PRKD1: variants seen among roughly 807,000 people sequenced by gnomAD.
The protein encoded by PRKD1 is protein kinase D1.
In PRKD1, 63 loss-of-function variants were observed where a neutral mutation model predicts 95.9. The observed-to-expected ratio is 0.66, with a 90% CI of 0.54 to 0.81. PRKD1 has a LOEUF of 0.81. Among genes scored for constraint, PRKD1 ranks in the 30% least tolerant of loss-of-function variants. PRKD1 has a pLI of 0.00. For missense variants in PRKD1, 1,048 were observed against 1,165.3 expected (o/e 0.90, Z 1.47); for synonymous variants, 425 against 423.1 (o/e 1.00, Z -0.05).
chr14:29,612,520 T>C (rs1479466855), intron 13 of PRKD1, among the ~76,000 whole-genome samples: 1 of 152,184 alleles, frequency 6.6e-6, no homozygotes, highest in East Asian at 1.9e-4. Context: ...TGATTTCTAA[T>C]GCACAGTTAA....
Position 29,638,851 on chromosome 14 carries a change from T to C in PRKD1, c.750A>G (p.Gln250=), listed in dbSNP as rs1326301211. The C allele has an allele frequency of 2.9e-5, 47 of 1,614,162 alleles. 1 individual carries two copies. The East Asian group carries it at 9.6e-4, about 33-fold the overall frequency. The change falls in exon 5 of 18, where the codon CAA becomes CAG. Residue 250 remains glutamine (Q), a synonymous_variant. Transcript: ENST00000331968. ...FIGREKRSNS[Q]SYIGRPIHLD... is the part of the protein sequence containing the mutation. Reference sequence around the variant, plus strand: ...GGTGAATTGGTCGTCCAATGTATGATTGAGAATTTGACCTCTTCTCTCGAC... The same window carrying C: ...GGTGAATTGGTCGTCCAATGTATGACTGAGAATTTGACCTCTTCTCTCGAC...
intron 12 of PRKD1, among the ~76,000 whole-genome samples, chr14:29,625,316 T>C (rs554725045): frequency 6.6e-6 from 1 of 152,328 alleles, no homozygotes; most frequent in East Asian, 1.9e-4. Flanking sequence ...TCCGTCACTG[T>C]AGTACTTGAC....
At chr14:29,661,588 T>C (rs1045510880) in intron 4 of PRKD1, among the ~76,000 whole-genome samples, 20 of 152,274 alleles carry the variant, frequency 1.3e-4, no homozygotes, top group Middle Eastern at 3.4e-3. Context: ...TGGGCCAATG[T>C]TTCCTACTTT....
intron 13 of PRKD1, among the ~76,000 whole-genome samples, chr14:29,615,298 C>G (rs1269834114): frequency 4.6e-5 from 7 of 152,044 alleles, no homozygotes; most frequent in Non-Finnish European, 8.8e-5. Flanking sequence ...ATTTTCCATC[C>G]ACTAGAAAAA....
At chr14:29,599,509 A>G in intron 14 of PRKD1, 147 bp downstream of exon 14, 1 of 718,062 alleles carries the variant, frequency 1.4e-6, no homozygotes, top group South Asian at 2.1e-5. Context: ...TATAAATCAC[A>G]TAATACAATA....
chr14:29,719,377 T>A (rs146317429), intron 2 of PRKD1, among the ~76,000 whole-genome samples: 258 of 152,330 alleles, frequency 1.7e-3, no homozygotes, highest in Admixed American at 4.2e-3. Flanking sequence ...TAATGGTCTA[T>A]GACAAACATC....
At chr14:29,766,910 A>G (rs571467027) in intron 1 of PRKD1, among the ~76,000 whole-genome samples, 14 of 152,246 alleles carry the variant, frequency 9.2e-5, no homozygotes, top group African/African-American at 3.1e-4. Context: ...GAAATTTACT[A>G]ATCACTTCCT....
At chr14:29,856,796 A>G (rs1444510269) in intron 1 of PRKD1, among the ~76,000 whole-genome samples, 1 of 152,168 alleles carries the variant, frequency 6.6e-6, no homozygotes, top group Non-Finnish European at 1.5e-5. Flanking sequence ...AACATGAGTA[A>G]AATCACTCCA....
At chr14:29,875,596 A>G (rs1893258642) in intron 1 of PRKD1, among the ~76,000 whole-genome samples, 1 of 152,216 alleles carries the variant, frequency 6.6e-6, no homozygotes, top group African/African-American at 2.4e-5. Context: ...ATTTCCAATA[A>G]ATGACATGTT....
intron 1 of PRKD1, among the ~76,000 whole-genome samples, chr14:29,852,562 G>A: frequency 6.6e-6 from 1 of 150,686 alleles, no homozygotes; most frequent in Non-Finnish European, 1.5e-5. Context: ...GAGAAAGAGA[G>A]GCATAAAGAG....
intron 1 of PRKD1, among the ~76,000 whole-genome samples, chr14:29,830,383 A>T (rs1047993192): frequency 6.6e-6 from 1 of 152,174 alleles, no homozygotes; most frequent in Non-Finnish European, 1.5e-5. Context: ...GTCTTTGTAC[A>T]ATTAAATTAT....
At chr14:29,633,888 CAACTT>C (rs1594380732) in intron 8 of PRKD1, among the ~76,000 whole-genome samples, 1 of 152,278 alleles carries the variant, frequency 6.6e-6, no homozygotes, top group African/African-American at 2.4e-5. Context: ...AGTCAATTGT[CAACTT>C]AACTTTGAAA....
intron 1 of PRKD1, among the ~76,000 whole-genome samples, chr14:29,897,490 G>A (rs1422554670): frequency 1.3e-5 from 2 of 152,128 alleles, no homozygotes; most frequent in Non-Finnish European, 2.9e-5. Flanking sequence ...GGAAAAGCAA[G>A]TGTTTTGGAG....
chr14:29,901,907 G>T (rs929651557), intron 1 of PRKD1, among the ~76,000 whole-genome samples: 1 of 152,108 alleles, frequency 6.6e-6, no homozygotes, highest in Non-Finnish European at 1.5e-5. Flanking sequence ...GGCTGCCAAG[G>T]ATTCCAAAGC....
intron 13 of PRKD1, among the ~76,000 whole-genome samples, chr14:29,619,098 T>C (rs1008161652): frequency 2.6e-5 from 4 of 152,172 alleles, no homozygotes; most frequent in South Asian, 2.1e-4. Flanking sequence ...TGCAGAGGAA[T>C]AGAATTTTAT....
At chr14:29,909,097 G>C (rs571043650) in intron 1 of PRKD1, among the ~76,000 whole-genome samples, 1 of 152,310 alleles carries the variant, frequency 6.6e-6, no homozygotes, top group East Asian at 1.9e-4. Context: ...AGAGTGGCTG[G>C]CCGGCGCTGC....
chr14:29,676,176 CGTTTTT>C (rs1566532187), intron 2 of PRKD1, among the ~76,000 whole-genome samples: 1 of 62,244 alleles, frequency 1.6e-5, no homozygotes, highest in African/African-American at 9.3e-5. Flanking sequence ...TAGTTCATTA[CGTTTTT>C]GTTTTTTTTT....
intron 1 of PRKD1, among the ~76,000 whole-genome samples, chr14:29,842,735 CAT>C (rs1228139928): frequency 7.9e-5 from 12 of 152,180 alleles, no homozygotes; most frequent in African/African-American, 1.4e-4. Flanking sequence ...TCAGTTGACA[CAT>C]GTTAGCCTCC....
intron 1 of PRKD1, among the ~76,000 whole-genome samples, chr14:29,774,540 C>T (rs1888649957): frequency 6.6e-6 from 1 of 152,086 alleles, no homozygotes; most frequent in Non-Finnish European, 1.5e-5. Context: ...GAGTTAGGTA[C>T]CATTGCAGGT....
Sources: allele counts gnomAD v4.1 joint callset (sites outside exome capture counted in the v4.1 genomes callset), GRCh38; gene constraint gnomAD v4.1.1; transcripts MANE v1.5; gene names NCBI Gene and HGNC (gene_info 2026-07-23, HGNC 2026-07-21).